The following ACAP2 variants were observed in gnomAD, a reference collection of about 807,000 sequenced individuals.
ACAP2 encodes the protein ArfGAP with coiled-coil, ankyrin repeat and PH domains 2.
In ACAP2, 39 loss-of-function variants were observed where a neutral mutation model predicts 115.8. That is an observed-to-expected ratio of 0.34 (90% CI 0.26 to 0.44). ACAP2 has a LOEUF of 0.44. Among genes scored for constraint, ACAP2 ranks in the 20% least tolerant of loss-of-function variants. ACAP2 has a pLI of 1.00. For missense variants in ACAP2, 662 were observed against 927.6 expected, an observed-to-expected ratio of 0.71 and a Z score of 3.72; for synonymous variants, 289 against 315.8, an observed-to-expected ratio of 0.92 and a Z score of 0.90.
rs375195320 is a variant in ACAP2 at position 195,306,284 on chromosome 3, C to A, written c.1116+227G>T. Reference sequence around the variant, plus strand: ...GGAAATACCTTATTCCGATCTGGTTCATATATTCAAATATTAAACATAGAT... The same window carrying A: ...GGAAATACCTTATTCCGATCTGGTTAATATATTCAAATATTAAACATAGAT... On this transcript the variant is annotated intron_variant, in intron 13 of 22. Transcript: ENST00000326793. 2.6e-5 allele frequency among the ~76,000 whole-genome samples: 4 copies of A among 151,962 alleles called. No individual in the cohort carries two copies. In the East Asian group the frequency reaches 7.7e-4, roughly 29 times the overall value.
intron 4 of ACAP2, among the ~76,000 whole-genome samples, chr3:195,351,917 T>C (rs1017019915): frequency 6.6e-6 from 1 of 152,220 alleles, no homozygotes; most frequent in Non-Finnish European, 1.5e-5. Context: ...CAAGTGTTGC[T>C]GAGCATGTGG....
At chr3:195,302,297 A>T in intron 13 of ACAP2, 123 bp from the exon 14 acceptor site, 1 of 811,958 alleles carries the variant, frequency 1.2e-6, no homozygotes, top group Non-Finnish European at 1.9e-6. Flanking sequence ...AGGCATAAGC[A>T]AGGCAATAGT....
At chr3:195,297,620 A>G (rs1459315580) in intron 15 of ACAP2, among the ~76,000 whole-genome samples, 2 of 152,172 alleles carry the variant, frequency 1.3e-5, no homozygotes, top group African/African-American at 4.8e-5. Context: ...AAGTATGACA[A>G]CAAAGCATTA....
At chr3:195,428,504 C>CAAA (rs1473759860) in intron 1 of ACAP2, among the ~76,000 whole-genome samples, 2 of 151,974 alleles carry the variant, frequency 1.3e-5, no homozygotes, top group African/African-American at 4.8e-5. Context: ...TTTAGATACA[C>CAAA]AAATGCCACT....
intron 18 of ACAP2, among the ~76,000 whole-genome samples, chr3:195,293,463 G>A (rs80355687): frequency 0.039 from 6,009 of 152,288 alleles, 356 homozygotes; most frequent in African/African-American, 0.13. Flanking sequence ...AAAGATAAAC[G>A]ATAATAAGAC....
chr3:195,341,780 T>C (rs74918312), intron 6 of ACAP2, among the ~76,000 whole-genome samples: 3,262 of 152,274 alleles, frequency 0.021, 109 homozygotes, highest in East Asian at 0.1. Context: ...CTCACAATTA[T>C]TGAAAATTAT....
intron 4 of ACAP2, among the ~76,000 whole-genome samples, chr3:195,350,851 C>T (rs544648324): frequency 6.6e-6 from 1 of 151,794 alleles, no homozygotes; most frequent in East Asian, 1.9e-4. Context: ...TACCACAGAA[C>T]ATTTATAAAA....
At chr3:195,325,648 G>C (rs541104006) in intron 9 of ACAP2, among the ~76,000 whole-genome samples, 1 of 152,050 alleles carries the variant, frequency 6.6e-6, no homozygotes, top group East Asian at 1.9e-4. Flanking sequence ...GATATTAAAA[G>C]ATGCATAATG....
intron 4 of ACAP2, among the ~76,000 whole-genome samples, chr3:195,353,733 T>C (rs1731764669): frequency 6.6e-6 from 1 of 152,082 alleles, no homozygotes; most frequent in African/African-American, 2.4e-5. Flanking sequence ...GCTGTAACTA[T>C]GCAGTTTATG....
chr3:195,318,749 A>G (rs376830610), intron 10 of ACAP2, among the ~76,000 whole-genome samples: 1 of 152,260 alleles, frequency 6.6e-6, no homozygotes, highest in East Asian at 1.9e-4. Context: ...GAAGCAGAGC[A>G]TAACAGTTTG....
chr3:195,384,560 C>G (rs569022338), intron 2 of ACAP2, among the ~76,000 whole-genome samples: 405 of 152,178 alleles, frequency 2.7e-3, no homozygotes, highest in African/African-American at 9.3e-3. Context: ...AACCCCACCT[C>G]TACTAAAAAT....
chr3:195,391,926 C>T (rs1346716038), intron 2 of ACAP2, among the ~76,000 whole-genome samples, 164 bp downstream of exon 2: 2 of 151,934 alleles, frequency 1.3e-5, no homozygotes, highest in Admixed American at 6.6e-5. Context: ...ACCCAGGAGA[C>T]GGAGGTTGCA....
intron 1 of ACAP2, 135 bp from the exon 2 acceptor site, chr3:195,392,282 G>GAATTT: frequency 1.5e-6 from 1 of 670,400 alleles, no homozygotes; most frequent in Non-Finnish European, 2.6e-6. Flanking sequence ...AATTACCTTG[G>GAATTT]AATTTAGTAT....
chr3:195,354,876 T>C (rs956630043), intron 4 of ACAP2, among the ~76,000 whole-genome samples: 2 of 152,220 alleles, frequency 1.3e-5, no homozygotes, highest in African/African-American at 4.8e-5. Context: ...ACTGGCTTTG[T>C]TTTGGAGACA....
intron 4 of ACAP2, among the ~76,000 whole-genome samples, chr3:195,355,407 A>G (rs73890793): frequency 0.023 from 3,548 of 151,542 alleles, 139 homozygotes; most frequent in African/African-American, 0.081. Flanking sequence ...CTAAGTCTCC[A>G]GTCTATACTT....
chr3:195,375,507 CAA>C (rs77856053), intron 4 of ACAP2, among the ~76,000 whole-genome samples: 2,958 of 103,670 alleles, frequency 0.029, 81 homozygotes, highest in East Asian at 0.11. Context: ...ATCAACTGTA[CAA>C]AAAAAAAAAA....
intron 8 of ACAP2, among the ~76,000 whole-genome samples, chr3:195,330,733 C>T (rs960160004): frequency 7.9e-5 from 12 of 152,180 alleles, no homozygotes; most frequent in South Asian, 2.1e-4. Context: ...TAGCAGGTCA[C>T]GTGGCTACCT....
chr3:195,419,786 A>C (rs1714024273), intron 1 of ACAP2, among the ~76,000 whole-genome samples: 1 of 152,160 alleles, frequency 6.6e-6, no homozygotes, highest in Admixed American at 6.6e-5. Context: ...TCTAGTAACT[A>C]TCCTTTTCCC....
intron 20 of ACAP2, among the ~76,000 whole-genome samples, chr3:195,290,827 A>AATAC (rs1727190266): frequency 8.0e-6 from 1 of 124,402 alleles, no homozygotes; most frequent in African/African-American, 3.3e-5. Flanking sequence ...TAAATAAATA[A>AATAC]ATAAATAAAT....
Sources: gnomAD v4.1 joint callset for allele counts (sites outside exome capture counted in the v4.1 genomes callset) on GRCh38, gnomAD v4.1.1 for gene constraint, MANE v1.5 for transcripts, NCBI Gene and HGNC (gene_info 2026-07-23, HGNC 2026-07-21) for gene names.